Variants in RUNDC3B observed in about 807,000 individuals in gnomAD.
RUNDC3B encodes the protein RUN domain containing 3B.
In RUNDC3B, 33 loss-of-function variants were observed where a neutral mutation model predicts 58.4. The ratio of observed to expected loss-of-function variants is 0.56; its 90% CI spans 0.43 to 0.75. RUNDC3B has a LOEUF of 0.75. Among genes scored for constraint, RUNDC3B ranks in the 30% least tolerant of loss-of-function variants. The probability of loss-of-function intolerance (pLI) is 0.00; values close to 1 mark genes in which losing one functional copy is unlikely to be tolerated. For missense variants in RUNDC3B, 501 were observed against 535.7 expected, an observed-to-expected ratio of 0.94 and a Z score of 0.64; for synonymous variants, 193 against 195.2, an observed-to-expected ratio of 0.99 and a Z score of 0.10.
At chr7:87,823,793 C>T (rs113481718) in intron 10 of RUNDC3B, among the ~76,000 whole-genome samples, 14,026 of 119,824 alleles carry the variant, frequency 0.12, 733 homozygotes, top group African/African-American at 0.2. Flanking sequence ...CATATATATA[C>T]ACACACACAC....
chr7:87,689,963 G>A (rs890723229), intron 2 of RUNDC3B, among the ~76,000 whole-genome samples: 2 of 151,978 alleles, frequency 1.3e-5, no homozygotes, highest in Admixed American at 6.6e-5. Flanking sequence ...ATCTTTGAAT[G>A]TTTAAATAGC....
chr7:87,791,648 T>A (rs933951729), intron 8 of RUNDC3B, among the ~76,000 whole-genome samples: 3 of 152,042 alleles, frequency 2.0e-5, no homozygotes, highest in Non-Finnish European at 4.4e-5. Context: ...GTCATCAGTT[T>A]AAAATAATGG....
intron 8 of RUNDC3B, among the ~76,000 whole-genome samples, chr7:87,795,436 T>C (rs1371322464): frequency 2.0e-5 from 3 of 152,180 alleles, no homozygotes; most frequent in Non-Finnish European, 4.4e-5. Context: ...AGATATCATC[T>C]CACCCCAGTT....
intron 8 of RUNDC3B, among the ~76,000 whole-genome samples, chr7:87,796,949 A>G (rs969862863): frequency 6.6e-6 from 1 of 152,188 alleles, no homozygotes; most frequent in African/African-American, 2.4e-5. Flanking sequence ...CTCTTAAGAG[A>G]CTAATACATT....
intron 6 of RUNDC3B, among the ~76,000 whole-genome samples, chr7:87,761,453 A>G (rs1182346997): frequency 6.6e-6 from 1 of 151,962 alleles, no homozygotes; most frequent in African/African-American, 2.4e-5. Context: ...TGATTCTGAA[A>G]TTCTTCTCCT....
At chr7:87,663,953 A>G (rs909875374) in intron 2 of RUNDC3B, among the ~76,000 whole-genome samples, 5 of 152,202 alleles carry the variant, frequency 3.3e-5, no homozygotes, top group Admixed American at 1.3e-4. Flanking sequence ...CTTATACCTC[A>G]TTTCACCTTA....
At chr7:87,698,881 C>G (rs1013732392) in intron 2 of RUNDC3B, among the ~76,000 whole-genome samples, 1 of 152,052 alleles carries the variant, frequency 6.6e-6, no homozygotes, top group Non-Finnish European at 1.5e-5. Flanking sequence ...TTTAAAACAC[C>G]CTGAATAATG....
At chr7:87,786,092 A>G (rs923297380) in intron 8 of RUNDC3B, among the ~76,000 whole-genome samples, 1 of 152,096 alleles carries the variant, frequency 6.6e-6, no homozygotes, top group African/African-American at 2.4e-5. Flanking sequence ...TCTGTTTGAA[A>G]TGTGATGGTT....
At chr7:87,793,378 A>G (rs1835632786) in intron 8 of RUNDC3B, among the ~76,000 whole-genome samples, 1 of 152,182 alleles carries the variant, frequency 6.6e-6, no homozygotes, top group African/African-American at 2.4e-5. Flanking sequence ...TCAAAAAAAG[A>G]AAACTACAGG....
intron 10 of RUNDC3B, among the ~76,000 whole-genome samples, chr7:87,816,613 A>T (rs1563228999): frequency 6.6e-6 from 1 of 152,104 alleles, no homozygotes; most frequent in East Asian, 1.9e-4. Context: ...ATTCCATTAA[A>T]CTTCTCAGCA....
intron 8 of RUNDC3B, among the ~76,000 whole-genome samples, chr7:87,780,635 G>T (rs981311121): frequency 5.9e-4 from 90 of 152,110 alleles, no homozygotes; most frequent in African/African-American, 2.0e-3. Flanking sequence ...TTTTGTTTTT[G>T]TTGTAATTGC....
intron 6 of RUNDC3B, among the ~76,000 whole-genome samples, chr7:87,753,375 A>C (rs934949700): frequency 3.9e-5 from 6 of 152,056 alleles, no homozygotes; most frequent in African/African-American, 1.4e-4. Context: ...AGAGTTCTGT[A>C]GATGTCTATT....
At chr7:87,665,459 A>G (rs1233922878) in intron 2 of RUNDC3B, among the ~76,000 whole-genome samples, 1 of 152,152 alleles carries the variant, frequency 6.6e-6, no homozygotes, top group African/African-American at 2.4e-5. Context: ...ATAGAAATAT[A>G]TCTCATGCTC....
chr7:87,637,639 A>T (rs1446639368), intron 1 of RUNDC3B, among the ~76,000 whole-genome samples: 1 of 152,030 alleles, frequency 6.6e-6, no homozygotes, highest in African/African-American at 2.4e-5. Context: ...ATCTCTTATT[A>T]TATTTATTCT....
chr7:87,779,361 A>C (rs761075857), intron 8 of RUNDC3B, among the ~76,000 whole-genome samples: 1 of 152,158 alleles, frequency 6.6e-6, no homozygotes, highest in Non-Finnish European at 1.5e-5. Flanking sequence ...AACTAGCTAG[A>C]ATTCTTATAG....
chr7:87,776,197 C>T (rs1405257236), intron 7 of RUNDC3B, among the ~76,000 whole-genome samples: 1 of 151,996 alleles, frequency 6.6e-6, no homozygotes, highest in Non-Finnish European at 1.5e-5. Flanking sequence ...AGGAATTCTA[C>T]TCCTAGATAT....
At chr7:87,742,933 G>A (rs991949088) in intron 6 of RUNDC3B, among the ~76,000 whole-genome samples, 2 of 152,012 alleles carry the variant, frequency 1.3e-5, no homozygotes, top group African/African-American at 4.8e-5. Context: ...CTAACACGGT[G>A]AAACCCCGTC....
rs951162366 is a variant in RUNDC3B, at chr7:87,710,122, G to A, written c.373-448G>A. Among the ~76,000 whole-genome samples, 3 of 152,150 alleles carry A rather than the reference G, an allele frequency of 2.0e-5. No individual in the cohort carries two copies. In the South Asian group the frequency reaches 6.2e-4, roughly 32 times the overall value. ...GTTGTATAAAACCTCCCACTGAAAG[G>A]ATAGGATTGAAAATTTTCTTAAATA... is the stretch of plus-strand genomic sequence containing the variant. On this transcript the variant is annotated intron_variant, in intron 3 of 10. Coordinates refer to ENST00000394654, the MANE Select transcript of RUNDC3B (RefSeq NM_001134405.2).
intron 3 of RUNDC3B, among the ~76,000 whole-genome samples, chr7:87,708,158 A>T (rs956952908): frequency 6.6e-6 from 1 of 152,152 alleles, no homozygotes; most frequent in African/African-American, 2.4e-5. Context: ...AACAGTAAAA[A>T]TTCAATAAAA....
Sources: gnomAD v4.1 joint callset for allele counts (sites outside exome capture counted in the v4.1 genomes callset) on GRCh38, gnomAD v4.1.1 for gene constraint, MANE v1.5 for transcripts, NCBI Gene and HGNC (gene_info 2026-07-23, HGNC 2026-07-21) for gene names.